Variants in CAST observed in about 807,000 individuals in gnomAD.
The protein encoded by CAST is MIR583 host.
CAST carries 76 observed loss-of-function variants against 119.6 expected under a neutral mutation model. The ratio of observed to expected loss-of-function variants is 0.64; its 90% CI spans 0.53 to 0.77. The LOEUF is 0.77. Among genes scored for constraint, CAST ranks in the 30% least tolerant of loss-of-function variants. CAST has a pLI of 0.00. For synonymous variants in CAST, 319 were observed against 331.6 expected (o/e 0.96, Z 0.41); for missense variants, 953 against 946.5 (o/e 1.01, Z -0.09).
chr5:96,703,738 C>T (rs183574792), intron 3 of CAST, among the ~76,000 whole-genome samples: 1 of 152,254 alleles, frequency 6.6e-6, no homozygotes, highest in African/African-American at 2.4e-5. Flanking sequence ...GACAGAAATG[C>T]TTAATCAGCA....
chr5:95,984,181 A>G, the CAST span, among the ~76,000 whole-genome samples: 1 of 152,266 alleles, frequency 6.6e-6, no homozygotes, highest in African/African-American at 2.4e-5. Context: ...AAAACAGAGT[A>G]GTGTTTAAAA....
At chr5:96,068,609 G>A in the CAST span, among the ~76,000 whole-genome samples, 4 of 151,552 alleles carry the variant, frequency 2.6e-5, no homozygotes, top group Non-Finnish European at 5.9e-5. Context: ...GTGTGTGTGT[G>A]TGTGTGTGTG....
At chr5:96,748,821 C>A (rs1427425025) in intron 19 of CAST, 1 of 446,282 alleles carries the variant, frequency 2.2e-6, no homozygotes, top group Non-Finnish European at 4.0e-6. Flanking sequence ...GCAATGACTC[C>A]TTCGGAAAGC....
the CAST span, among the ~76,000 whole-genome samples, chr5:96,458,070 G>T: frequency 1.3e-5 from 2 of 152,014 alleles, no homozygotes; most frequent in Admixed American, 6.6e-5. Flanking sequence ...GCAGAGATTG[G>T]GAAACTATGG....
At chr5:96,074,089 C>G in the CAST span, among the ~76,000 whole-genome samples, 2 of 152,134 alleles carry the variant, frequency 1.3e-5, no homozygotes, top group African/African-American at 4.8e-5. Flanking sequence ...GAAAAATTTG[C>G]TGGAACTAAT....
At chr5:96,556,097 CAG>C (rs1356799947) in intron 1 of CAST, among the ~76,000 whole-genome samples, 2 of 152,210 alleles carry the variant, frequency 1.3e-5, no homozygotes, top group East Asian at 3.9e-4. Flanking sequence ...CCCAGGCAAA[CAG>C]GGTCTGGAGT....
chr5:96,748,646 G>T, intron 19 of CAST, 33 bp downstream of exon 19: 1 of 1,101,450 alleles, frequency 9.1e-7, no homozygotes. Flanking sequence ...CTCTAGTTTT[G>T]AGGTTTGTGA....
At chr5:96,195,751 G>A in the CAST span, among the ~76,000 whole-genome samples, 71 of 152,142 alleles carry the variant, frequency 4.7e-4, no homozygotes, top group East Asian at 0.013. Context: ...ATATGGATGC[G>A]CAAATTGCCA....
intron 1 of CAST, among the ~76,000 whole-genome samples, chr5:96,568,053 A>G (rs1746504582): frequency 6.6e-6 from 1 of 152,130 alleles, no homozygotes; most frequent in South Asian, 2.1e-4. Flanking sequence ...TTAAAACTTC[A>G]TCTAAAAGGG....
chr5:96,518,508 G>A, the CAST span, among the ~76,000 whole-genome samples: 7 of 152,168 alleles, frequency 4.6e-5, no homozygotes, highest in African/African-American at 1.7e-4. Context: ...ACTCAAGGGT[G>A]GGACCCATTT....
At chr5:96,253,679 CTAT>C in the CAST span, among the ~76,000 whole-genome samples, 1 of 151,446 alleles carries the variant, frequency 6.6e-6, no homozygotes, top group Admixed American at 6.6e-5. Context: ...TGGCATCATT[CTAT>C]TATTATTATT....
chr5:96,448,159 G>T, the CAST span, among the ~76,000 whole-genome samples: 2 of 152,204 alleles, frequency 1.3e-5, no homozygotes, highest in East Asian at 1.9e-4. Context: ...ACTGCTCATT[G>T]CTATCCTAGG....
intron 1 of CAST, among the ~76,000 whole-genome samples, chr5:96,549,417 A>C (rs1398077079): frequency 6.6e-6 from 1 of 152,232 alleles, no homozygotes; most frequent in African/African-American, 2.4e-5. Context: ...ATGTTTAAAA[A>C]ATTAAACTGA....
At chr5:96,662,353 A>ACTCCCCGCCAGGC (rs1318759680), upstream of CAST, 6 of 380,448 alleles carry the variant, frequency 1.6e-5, no homozygotes, top group East Asian at 4.7e-4. Context: ...CCCTGGCAGG[A>ACTCCCCGCCAGGC]CTCCCCGCCA....
chr5:96,412,763 T>TG, the CAST span, among the ~76,000 whole-genome samples: 14 of 144,604 alleles, frequency 9.7e-5, no homozygotes, highest in South Asian at 4.4e-4. Context: ...TTTTTTTTTT[T>TG]TTTTTTTTTT....
the CAST span, among the ~76,000 whole-genome samples, chr5:96,034,459 T>TCAGACACACACACA: frequency 2.4e-5 from 1 of 40,960 alleles, no homozygotes; most frequent in Non-Finnish European, 6.1e-5. Context: ...TGGGTATATA[T>TCAGACACACACACA]CATACACACA....
the CAST span, among the ~76,000 whole-genome samples, chr5:96,264,256 G>A: frequency 3.2e-4 from 49 of 152,298 alleles, no homozygotes; most frequent in Middle Eastern, 3.4e-3. Flanking sequence ...TTCTCATAAA[G>A]AGTATGGGTA....
intron 1 of CAST, among the ~76,000 whole-genome samples, chr5:96,602,138 A>G (rs1486681104): frequency 6.6e-6 from 1 of 152,242 alleles, no homozygotes; most frequent in Non-Finnish European, 1.5e-5. Flanking sequence ...GAATACTCAA[A>G]GGAGTGCTCT....
At chr5:96,699,601 T>A (rs1170257803) in intron 3 of CAST, among the ~76,000 whole-genome samples, 1 of 152,216 alleles carries the variant, frequency 6.6e-6, no homozygotes, top group Non-Finnish European at 1.5e-5. Flanking sequence ...ATGGATTTCC[T>A]GGTGGGCAGC....
Sources: gnomAD v4.1 joint callset for allele counts (sites outside exome capture counted in the v4.1 genomes callset) on GRCh38, gnomAD v4.1.1 for gene constraint, MANE v1.5 for transcripts, NCBI Gene and HGNC (gene_info 2026-07-23, HGNC 2026-07-21) for gene names.